SMARCA4: variants seen among roughly 807,000 people sequenced by gnomAD.
SMARCA4 encodes SWI/SNF-related matrix-associated actin-dependent regulator of chromatin subfamily A member 4.
Under a neutral mutation model 193.9 loss-of-function variants are expected in SMARCA4, and 31 were observed. That is an observed-to-expected ratio of 0.16 (90% CI 0.12 to 0.22). SMARCA4 has a LOEUF of 0.22. Ranked by LOEUF, SMARCA4 falls within the 10% of genes least tolerant of loss-of-function variation. The probability of loss-of-function intolerance (pLI) is 1.00; values close to 1 mark genes in which losing one functional copy is unlikely to be tolerated. For synonymous variants in SMARCA4, 942 were observed against 933.1 expected (o/e 1.01, Z -0.17); for missense variants, 1,148 against 2,296.0 (o/e 0.50, Z 10.22).
At chr19:11,046,075 TAGCC>T (rs2146896485) in intron 30 of SMARCA4, among the ~76,000 whole-genome samples, 1 of 152,090 alleles carries the variant, frequency 6.6e-6, no homozygotes, top group South Asian at 2.1e-4. Flanking sequence ...TACAAAAAAT[TAGCC>T]AGGCGTGGTG....
At position 10,967,788 on chromosome 19, in the gene SMARCA4, A is replaced by C. The variant is rs187202900; in HGVS notation, c.-32+6614A>C. Among the ~76,000 whole-genome samples the C allele has an allele frequency of 7.3e-4, 87 of 119,652 alleles. 1 individual carries two copies. Among genetic ancestry groups the C allele is most frequent in the African/African-American group, 2.3e-3 (70 of 30,848 alleles). The allele number at this position is 119,652 out of a possible 152,430, so 78.5% of individuals were successfully genotyped here. A position where few individuals can be genotyped will look rare whatever the true frequency, so the allele number is the denominator to read the frequency against. Reference sequence around the variant, plus strand: ...CAACCTCTGCCTTCCAGGTTCAAGCAATTCTCCTACCTCAGCCTCCTGAGT... The same window carrying C: ...CAACCTCTGCCTTCCAGGTTCAAGCCATTCTCCTACCTCAGCCTCCTGAGT... On this transcript the variant is annotated intron_variant, in intron 1 of 34. Coordinates refer to ENST00000344626, the MANE Select transcript of SMARCA4 (RefSeq NM_003072.5).
rs1350396762 is a variant in SMARCA4 at position 11,041,825 on chromosome 19, G to A, written c.4424+265G>A. 6.6e-6 allele frequency among the ~76,000 whole-genome samples: 1 copy of A among 152,206 alleles called. No homozygotes were observed. The highest frequency in any genetic ancestry group is 2.1e-4 in the South Asian group (1 of 4,832). ...CAGGGGTGCGGGTCTCGGAGAAGGG[G>A]ACATTGCAGCAGAGCCTTGAGAGAG... On this transcript the variant is annotated intron_variant, in intron 30 of 34. Coordinates refer to ENST00000344626, the MANE Select transcript of SMARCA4 (RefSeq NM_003072.5). This position sits in a 1 kb window ranked among gnomAD's most constrained non-coding sequence, Gnocchi z 5.6.
At position 11,031,356 on chromosome 19, in the gene SMARCA4, G is replaced by C. The variant is rs2074921174; in HGVS notation, c.3546+463G>C. ...CCCCTCATGGGCCTCGGCATCGGTGGATACCAGGTCATGCTGTTACATAGC... is the reference window on the plus strand; with the variant it reads ...CCCCTCATGGGCCTCGGCATCGGTGCATACCAGGTCATGCTGTTACATAGC... On this transcript the variant is annotated intron_variant, in intron 25 of 34. Transcript: ENST00000344626. The surrounding 1 kb of genome is among the most constrained non-coding windows in gnomAD (Gnocchi z 4.3). 1 of 199,282 alleles carries C rather than the reference G, an allele frequency of 5.0e-6. No individual in the cohort carries two copies. The highest frequency in any genetic ancestry group is 2.3e-5 in the African/African-American group (1 of 43,476). The allele number at this position is 199,282 out of a possible 1,614,324, so 12.3% of individuals were successfully genotyped here.
intron 1 of SMARCA4, chr19:10,983,508 C>T (rs1033989124): frequency 6.5e-6 from 1 of 153,474 alleles, no homozygotes; most frequent in African/African-American, 2.4e-5. Context: ...GATCCGGGCT[C>T]ACCGCGATCT....
chr19:11,050,375 A>T (rs1415115345), intron 30 of SMARCA4, among the ~76,000 whole-genome samples: 2 of 152,182 alleles, frequency 1.3e-5, no homozygotes, highest in Admixed American at 6.5e-5. Context: ...TGCAGTGAAG[A>T]TCTGCACTCC....
rs1555779998 is a variant in SMARCA4 at position 11,024,363 on chromosome 19, G to A, written c.3006G>A (p.Ala1002=). 2 of 1,612,954 alleles carry A rather than the reference G, an allele frequency of 1.2e-6. No individual in the cohort carries two copies. The highest frequency in any genetic ancestry group is 8.5e-7 in the Non-Finnish European group (1 of 1,179,728). ...ACGTCATCAAGTGCGACATGTCTGC[G>A]CTGCAGCGAGTGCTCTACCGCCACA... is the stretch of plus-strand genomic sequence containing the variant. ...VEYVIKCDMS[A]LQRVLYRHMQ... The change falls in exon 21 of 35, where the codon GCG becomes GCA. Residue 1002 remains alanine, a synonymous_variant. Coordinates refer to ENST00000344626, the MANE Select transcript of SMARCA4 (RefSeq NM_003072.5).
chr19:10,996,460 G>A (rs1269147243), intron 10 of SMARCA4, 34 bp from the exon 11 acceptor site: 2 of 1,614,104 alleles, frequency 1.2e-6, no homozygotes, highest in Middle Eastern at 1.6e-4. Flanking sequence ...AGCCTTGTGG[G>A]TCAGGGCCTG....
chr19:10,995,512 G>A (rs1459901425), intron 9 of SMARCA4: 1 of 456,470 alleles, frequency 2.2e-6, no homozygotes, highest in Non-Finnish European at 4.4e-6. Flanking sequence ...AGTGAGGAGG[G>A]GGAAGTGGAG....
intron 16 of SMARCA4, chr19:11,018,407 G>C: frequency 3.8e-6 from 1 of 262,428 alleles, no homozygotes; most frequent in Non-Finnish European, 7.6e-6. Context: ...TCCCACAGGG[G>C]AACAGCCACG....
At chr19:10,973,884 T>C (rs766639934) in intron 1 of SMARCA4, among the ~76,000 whole-genome samples, 1 of 151,950 alleles carries the variant, frequency 6.6e-6, no homozygotes, top group Non-Finnish European at 1.5e-5. Flanking sequence ...GGTTTTCTTA[T>C]AGACCACCGA....
chr19:10,987,840 T>C lies in SMARCA4; in HGVS notation c.1034T>C (p.Leu345Pro), dbSNP rs1599970814. 1.2e-6 allele frequency: 2 copies of C among 1,610,914 alleles called. No individual in the cohort carries two copies. The highest frequency in any genetic ancestry group is 1.7e-6 in the Non-Finnish European group (2 of 1,179,048). The change falls in exon 6 of 35, where the codon CTG (leucine) becomes CCG (proline). Residue 345 changes from leucine (L) to proline (P), a missense_variant. This residue lies in a region of SMARCA4 where 257 missense variants were observed against 276.5 expected (regional missense o/e 0.93). Transcript: ENST00000344626. This position sits in a 1 kb window ranked among gnomAD's most constrained non-coding sequence, Gnocchi z 5.3. ...QPAQPAPMVP[L>P]HQKQSRITPI... ...GCCCAGCCCGCGCCCATGGTGCCAC[T>C]GCACCAGAAGCAGAGCCGCATCACC...
intron 15 of SMARCA4, chr19:11,011,056 T>TAC: frequency 4.5e-6 from 1 of 221,900 alleles, no homozygotes; most frequent in Non-Finnish European, 9.2e-6. Flanking sequence ...GAAAAGTTGG[T>TAC]GGCTCTGAAG....
chr19:10,989,512 AAT>A (rs1366374539), intron 7 of SMARCA4, 69 bp downstream of exon 7: 3 of 1,582,926 alleles, frequency 1.9e-6, no homozygotes, highest in East Asian at 4.5e-5. Context: ...TAAGGCTCCA[AAT>A]ACGGCTTGCC....
intron 1 of SMARCA4, among the ~76,000 whole-genome samples, chr19:10,968,035 C>T (rs2084374452): frequency 6.6e-6 from 1 of 151,486 alleles, no homozygotes; most frequent in African/African-American, 2.4e-5. Context: ...CACCACCATG[C>T]CCTGCGGGGG....
At position 11,060,112 on chromosome 19, in the gene SMARCA4, C is replaced by CCGG; in HGVS notation, c.4844_4846dup (p.Arg1615dup). The CCGG allele has an allele frequency of 1.3e-6, 2 of 1,551,040 alleles. No homozygotes were observed. Among genetic ancestry groups the CCGG allele is most frequent in the African/African-American group, 1.4e-5 (1 of 73,178 alleles). ...AGGCACAGGACCGGCTGAAGGGCGG[C>CCGG]CGGCGGCGGCCGAGCCGAGGGTCCC... On this transcript the variant is annotated inframe_insertion, in exon 34 of 35. Coordinates refer to ENST00000344626, the MANE Select transcript of SMARCA4 (RefSeq NM_003072.5).
chr19:11,058,646 C>T lies in SMARCA4; in HGVS notation c.4534-142C>T. The T allele has an allele frequency of 1.3e-6, 1 of 745,384 alleles. No homozygotes were observed. The highest frequency in any genetic ancestry group is 1.7e-5 in the African/African-American group (1 of 58,000). The allele number at this position is 745,384 out of a possible 1,614,324, so 46.2% of individuals were successfully genotyped here. On this transcript the variant is annotated intron_variant, in intron 31 of 34. Coordinates refer to ENST00000344626, the MANE Select transcript of SMARCA4 (RefSeq NM_003072.5). This position sits in a 1 kb window ranked among gnomAD's most constrained non-coding sequence, Gnocchi z 5.8. The stretch of plus-strand genomic sequence containing the variant: ...TCATGCAGTTCCCATGCCTAGTGAG[C>T]CAGGTTACCGAGGCTGGCGCTTCGG...
chr19:10,989,200 C>T, intron 6 of SMARCA4, 117 bp from the exon 7 acceptor site: 1 of 1,286,988 alleles, frequency 7.8e-7, no homozygotes, highest in Non-Finnish European at 1.1e-6. Context: ...TCTGAGGCAT[C>T]TCTTGCCTCA....
At position 10,986,421 on chromosome 19, in the gene SMARCA4, C is replaced by T. The variant is rs1457646932; in HGVS notation, c.588C>T (p.Leu196=). The T allele has an allele frequency of 6.3e-7, 1 of 1,577,506 alleles. No homozygotes were observed. Among genetic ancestry groups the T allele is most frequent in the South Asian group, 1.2e-5 (1 of 86,870 alleles). ...AGATGCTGGCCAGGGGGCAGCCCCTCCCCGACCACCTGCAGATGGCGGTGC... is the reference window on the plus strand; with the variant it reads ...AGATGCTGGCCAGGGGGCAGCCCCTTCCCGACCACCTGCAGATGGCGGTGC... ...AYKMLARGQP[L]PDHLQMAVQG... is the part of the protein sequence containing the mutation. Residue 196 remains leucine, a synonymous_variant, in exon 4 of 35, where the codon CTC becomes CTT. Transcript: ENST00000344626. This position sits in a 1 kb window ranked among gnomAD's most constrained non-coding sequence, Gnocchi z 6.7.
At chr19:11,038,997 G>T (rs1052025284) in intron 29 of SMARCA4, among the ~76,000 whole-genome samples, 2 of 151,968 alleles carry the variant, frequency 1.3e-5, no homozygotes, top group Non-Finnish European at 2.9e-5. Flanking sequence ...AAAGCGGGGG[G>T]ATCATTTCAG....
Sources: allele counts gnomAD v4.1 joint callset (sites outside exome capture counted in the v4.1 genomes callset), GRCh38; gene constraint gnomAD v4.1.1; regional missense constraint gnomAD v4.1.1; non-coding constraint Gnocchi (gnomAD v3.1); transcripts MANE v1.5; gene names NCBI Gene and HGNC (gene_info 2026-07-23, HGNC 2026-07-21).